PLEKHA5: variants seen among roughly 807,000 people sequenced by gnomAD.
The protein encoded by PLEKHA5 is pleckstrin homology domain-containing family A member 5.
In PLEKHA5, 55 loss-of-function variants were observed where a neutral mutation model predicts 181.9. That is an observed-to-expected ratio of 0.30 (90% CI 0.24 to 0.38). The LOEUF is 0.38. Among genes scored for constraint, PLEKHA5 ranks in the 10% least tolerant of loss-of-function variants. The pLI is 1.00. For missense variants in PLEKHA5, 1,432 were observed against 1,549.5 expected (o/e 0.92, Z 1.27); for synonymous variants, 535 against 529.4 (o/e 1.01, Z -0.15).
chr12:19,168,013 T>A (rs2044941130), intron 3 of PLEKHA5, among the ~76,000 whole-genome samples: 1 of 152,170 alleles, frequency 6.6e-6, no homozygotes, highest in Non-Finnish European at 1.5e-5. Context: ...GATATGTATA[T>A]CGGTTAGTGG....
chr12:19,326,348 A>G (rs1012321685), intron 20 of PLEKHA5, among the ~76,000 whole-genome samples: 14 of 152,216 alleles, frequency 9.2e-5, no homozygotes, highest in Non-Finnish European at 2.1e-4. Flanking sequence ...AATTTGAATT[A>G]CATTTTTGCT....
intron 3 of PLEKHA5, among the ~76,000 whole-genome samples, chr12:19,246,097 G>A (rs2063676472): frequency 6.7e-6 from 1 of 150,272 alleles, no homozygotes; most frequent in Non-Finnish European, 1.5e-5. Context: ...TCCTGCCTCA[G>A]CTTCCCGAGT....
At chr12:19,170,535 C>T (rs1388468542) in intron 3 of PLEKHA5, among the ~76,000 whole-genome samples, 3 of 151,830 alleles carry the variant, frequency 2.0e-5, no homozygotes, top group South Asian at 4.2e-4. Flanking sequence ...AAGCAATACT[C>T]CTGCCTCCGG....
chr12:19,170,828 C>G (rs1167096551), intron 3 of PLEKHA5, among the ~76,000 whole-genome samples: 1 of 152,206 alleles, frequency 6.6e-6, no homozygotes, highest in African/African-American at 2.4e-5. Flanking sequence ...AGTAAGCAGC[C>G]TTCCTGGCTG....
intron 20 of PLEKHA5, among the ~76,000 whole-genome samples, chr12:19,329,926 A>T (rs1336103476): frequency 6.6e-6 from 1 of 151,524 alleles, no homozygotes; most frequent in Non-Finnish European, 1.5e-5. Context: ...AAAAAAAAGC[A>T]AAAAACAAAA....
At chr12:19,145,923 A>G (rs552493591) in intron 3 of PLEKHA5, among the ~76,000 whole-genome samples, 26 of 152,340 alleles carry the variant, frequency 1.7e-4, no homozygotes, top group African/African-American at 6.0e-4. Context: ...ATATTGAAAA[A>G]TAATACTTTT....
chr12:19,284,268 C>T (rs1392066708), intron 12 of PLEKHA5, among the ~76,000 whole-genome samples: 5 of 152,040 alleles, frequency 3.3e-5, no homozygotes, highest in Non-Finnish European at 7.4e-5. Context: ...GTGGTTTCAC[C>T]GTGATGCCCA....
chr12:19,346,051 T>C (rs547077198), intron 23 of PLEKHA5, among the ~76,000 whole-genome samples, 163 bp downstream of exon 23: 12 of 152,154 alleles, frequency 7.9e-5, no homozygotes, highest in Non-Finnish European at 1.8e-4. Context: ...ATTTGGTGCT[T>C]CTAATATGTG....
chr12:19,342,218 T>C (rs966825839), intron 21 of PLEKHA5, among the ~76,000 whole-genome samples: 2 of 152,196 alleles, frequency 1.3e-5, no homozygotes, highest in African/African-American at 2.4e-5. Flanking sequence ...GAATAGTGTT[T>C]AGTATTATCC....
chr12:19,255,084 G>A lies in PLEKHA5; in HGVS notation c.351G>A (p.Arg117=), dbSNP rs534837248. The change falls in exon 5 of 32, where the codon CGG becomes CGA. Residue 117 remains arginine (R), a synonymous_variant. Transcript: ENST00000429027. ...ATMTSEEKKE[R]PISMINEASN... ...TGACATCTGAAGAAAAGAAGGAACG[G>A]CCAATAAGTATGATAAATGAAGCTT... 5 of 1,609,388 alleles carry A rather than the reference G, an allele frequency of 3.1e-6. No homozygotes were observed. The highest frequency in any genetic ancestry group is 3.3e-5 in the Admixed American group (2 of 59,956).
rs1352414894 is a variant in PLEKHA5 at position 19,130,090 on chromosome 12, C to T, written c.129C>T (p.Thr43=). The part of the protein sequence containing the change: ...AKSTTWLHPV[T]GEAVVTGHRR... ...GCACCACCTGGCTGCACCCCGTCAC[C>T]GGCGAGGCGGTGGTCACCGGACACC... The change falls in exon 2 of 32, where the codon ACC becomes ACT. Residue 43 remains threonine (T), a synonymous_variant. Transcript: ENST00000429027. This position sits in a 1 kb window ranked among gnomAD's most constrained non-coding sequence, Gnocchi z 4.5. 1.3e-6 allele frequency: 2 copies of T among 1,589,154 alleles called. No individual in the cohort carries two copies. Among genetic ancestry groups the T allele is most frequent in the African/African-American group, 2.7e-5 (2 of 73,524 alleles).
chr12:19,239,084 G>T (rs2152435610), intron 3 of PLEKHA5, among the ~76,000 whole-genome samples: 1 of 152,238 alleles, frequency 6.6e-6, no homozygotes, highest in Non-Finnish European at 1.5e-5. Context: ...TTGTTCCCTT[G>T]TGGTAGACAG....
chr12:19,360,561 G>A (rs914382237), intron 28 of PLEKHA5, among the ~76,000 whole-genome samples: 1 of 150,728 alleles, frequency 6.6e-6, no homozygotes, highest in Admixed American at 6.6e-5. Context: ...CTGAGATCGC[G>A]CCACACTACC....
intron 3 of PLEKHA5, among the ~76,000 whole-genome samples, chr12:19,180,920 C>T (rs1285258928): frequency 6.6e-6 from 1 of 151,550 alleles, no homozygotes; most frequent in Admixed American, 6.6e-5. Context: ...AAGTCAGACA[C>T]CTCTGGTGTG....
intron 29 of PLEKHA5, among the ~76,000 whole-genome samples, chr12:19,363,218 G>A (rs2095315994): frequency 1.3e-5 from 2 of 150,390 alleles, no homozygotes; most frequent in African/African-American, 2.4e-5. Flanking sequence ...CACTGCACTC[G>A]GTTCCCGGAG....
intron 3 of PLEKHA5, among the ~76,000 whole-genome samples, chr12:19,135,716 G>C (rs1053187052): frequency 6.6e-6 from 1 of 152,008 alleles, no homozygotes; most frequent in Non-Finnish European, 1.5e-5. Flanking sequence ...CCTGATCAGC[G>C]TAAGAGTTGT....
intron 11 of PLEKHA5, among the ~76,000 whole-genome samples, chr12:19,276,402 A>C (rs946845803): frequency 2.0e-5 from 3 of 152,198 alleles, no homozygotes; most frequent in Non-Finnish European, 4.4e-5. Context: ...CTCAAGATTA[A>C]GTTTGGTGCC....
intron 3 of PLEKHA5, among the ~76,000 whole-genome samples, chr12:19,206,357 G>A (rs1158279879): frequency 6.6e-6 from 1 of 151,932 alleles, no homozygotes; most frequent in Non-Finnish European, 1.5e-5. Flanking sequence ...ATTTATAATA[G>A]GTGAACTTGG....
intron 3 of PLEKHA5, among the ~76,000 whole-genome samples, chr12:19,190,038 C>T (rs1210202079): frequency 6.6e-6 from 1 of 152,164 alleles, no homozygotes; most frequent in Non-Finnish European, 1.5e-5. Flanking sequence ...TGCGCTTCTT[C>T]ATTTCCTCCT....
Sources: allele counts gnomAD v4.1 joint callset (sites outside exome capture counted in the v4.1 genomes callset), GRCh38; gene constraint gnomAD v4.1.1; non-coding constraint Gnocchi (gnomAD v3.1); transcripts MANE v1.5; gene names NCBI Gene and HGNC (gene_info 2026-07-23, HGNC 2026-07-21).